MTARC1: variants seen among roughly 807,000 people sequenced by gnomAD.
MTARC1 encodes the protein mitochondrial amidoxime-reducing component 1.
Under a neutral mutation model 33.6 loss-of-function variants are expected in MTARC1, and 24 were observed. The ratio of observed to expected loss-of-function variants is 0.72; its 90% CI spans 0.52 to 1.01. The LOEUF (loss-of-function observed/expected upper bound fraction) is 1.01, where lower values mean the gene tolerates loss of function less well. MTARC1 is among the 50% of genes least tolerant of loss of function. The pLI is 0.00. For synonymous variants in MTARC1, 187 were observed against 189.5 expected, an observed-to-expected ratio of 0.99 and a Z score of 0.11; for missense variants, 417 against 445.7, an observed-to-expected ratio of 0.94 and a Z score of 0.58.
chr1:220,790,596 A>T (rs1672392386), intron 1 of MTARC1, among the ~76,000 whole-genome samples: 1 of 152,224 alleles, frequency 6.6e-6, no homozygotes, highest in Non-Finnish European at 1.5e-5. Flanking sequence ...GAACAACTCA[A>T]CCATGATAAC....
chr1:220,809,467 C>T (rs377425034), intron 6 of MTARC1, among the ~76,000 whole-genome samples: 280 of 142,696 alleles, frequency 2.0e-3, no homozygotes, highest in African/African-American at 6.7e-3. Context: ...CTCCCAGGAA[C>T]GTTCACGATG....
intron 6 of MTARC1, chr1:220,809,023 A>G: frequency 2.3e-6 from 1 of 434,016 alleles, no homozygotes; most frequent in East Asian, 7.0e-5. Context: ...TGTGACAGTA[A>G]TGACATTTGC....
At chr1:220,806,970 G>C (rs1217899359) in intron 6 of MTARC1, among the ~76,000 whole-genome samples, 1 of 152,144 alleles carries the variant, frequency 6.6e-6, no homozygotes, top group Non-Finnish European at 1.5e-5. Context: ...AACAGCGTTG[G>C]GTGTGATTTG....
intron 3 of MTARC1, among the ~76,000 whole-genome samples, 199 bp downstream of exon 3, chr1:220,797,004 TGCCCTTGA>T (rs1347207183): frequency 6.6e-6 from 1 of 152,248 alleles, no homozygotes; most frequent in African/African-American, 2.4e-5. Context: ...CTTGAATTTT[TGCCCTTGA>T]GCATCTACCT....
chr1:220,804,502 T>A (rs1415827138), intron 4 of MTARC1, among the ~76,000 whole-genome samples: 2 of 152,190 alleles, frequency 1.3e-5, no homozygotes, highest in East Asian at 3.8e-4. Flanking sequence ...ACAGCTCCCC[T>A]GGCTGCAGTG....
chr1:220,800,443 C>G (rs1672757279), intron 4 of MTARC1, among the ~76,000 whole-genome samples: 1 of 152,086 alleles, frequency 6.6e-6, no homozygotes, highest in African/African-American at 2.4e-5. Flanking sequence ...TGAGATATGG[C>G]CAGGAGGGTG....
At chr1:220,813,267 T>G in intron 6 of MTARC1, 25 bp from the exon 7 acceptor site, 15 of 1,613,878 alleles carry the variant, frequency 9.3e-6, no homozygotes, top group Non-Finnish European at 1.3e-5. Context: ...TGGCTGTGAC[T>G]CATCATGATC....
In MTARC1 at chr1:220,819,423, C is replaced by T. The variant is rs1673342938; in HGVS notation, c.*6005C>T. 6.6e-6 allele frequency: 1 copy of T among 152,108 alleles called. No homozygotes were observed. Among genetic ancestry groups the T allele is most frequent in the African/African-American group, 2.4e-5 (1 of 41,414 alleles). 9.4% of individuals were successfully genotyped at this position (152,108 alleles called of 1,614,324 possible). On this transcript the variant is annotated 3_prime_UTR_variant, in exon 7 of 7. Transcript: ENST00000366910. Reference sequence around the variant, plus strand: ...GAATATATCTGGAGCTTTTGTGGGGCTAAGAGATCTTGTATATATGCTATC... The same window carrying T: ...GAATATATCTGGAGCTTTTGTGGGGTTAAGAGATCTTGTATATATGCTATC...
intron 6 of MTARC1, 82 bp downstream of exon 6, chr1:220,805,356 G>C (rs1672940462): frequency 6.8e-7 from 1 of 1,479,566 alleles, no homozygotes; most frequent in Non-Finnish European, 9.4e-7. Flanking sequence ...GTTTATAAGA[G>C]GAAGCAGTGA....
chr1:220,794,160 C>T (rs1465921895), intron 2 of MTARC1: 4 of 152,168 alleles, frequency 2.6e-5, no homozygotes, highest in Non-Finnish European at 4.4e-5. Flanking sequence ...TGTGCCCTCC[C>T]ACCCTCCTAT....
At chr1:220,804,972 AG>A in intron 4 of MTARC1, 79 bp from the exon 5 acceptor site, 1 of 1,483,172 alleles carries the variant, frequency 6.7e-7, no homozygotes, top group South Asian at 1.1e-5. Context: ...GTTAGGTGCG[AG>A]GGCTCCTGGG....
At chr1:220,805,974 A>G (rs1270395486) in intron 6 of MTARC1, among the ~76,000 whole-genome samples, 1 of 152,212 alleles carries the variant, frequency 6.6e-6, no homozygotes, top group Admixed American at 6.5e-5. Context: ...ATTTGATTTT[A>G]CTTTTTAAAA....
At chr1:220,803,517 C>T (rs542170449) in intron 4 of MTARC1, among the ~76,000 whole-genome samples, 2 of 152,296 alleles carry the variant, frequency 1.3e-5, no homozygotes, top group Admixed American at 1.3e-4. Context: ...TAAAAGCCCC[C>T]TCCCCTGGGA....
intron 1 of MTARC1, chr1:220,791,212 T>C (rs1672409549): frequency 3.9e-6 from 1 of 253,400 alleles, no homozygotes; most frequent in Non-Finnish European, 7.6e-6. Flanking sequence ...GAGATGAAAA[T>C]ATAATTAACA....
chr1:220,799,226 A>G, intron 4 of MTARC1: 15 of 960,576 alleles, frequency 1.6e-5, no homozygotes, highest in Non-Finnish European at 1.9e-5. Context: ...ATTGCTCCAA[A>G]CTTCCAAGGG....
At chr1:220,812,684 G>A (rs536953556) in intron 6 of MTARC1, among the ~76,000 whole-genome samples, 1 of 152,168 alleles carries the variant, frequency 6.6e-6, no homozygotes, top group South Asian at 2.1e-4. Flanking sequence ...GATGCCTAGG[G>A]CAAAGGAAGA....
intron 4 of MTARC1, 93 bp from the exon 5 acceptor site, chr1:220,804,959 A>G (rs1164282415): frequency 4.4e-6 from 6 of 1,348,920 alleles, no homozygotes; most frequent in African/African-American, 4.3e-5. Flanking sequence ...TGTGGGTGAC[A>G]TCGTTAGGTG....
chr1:220,797,137 C>T (rs547307664), intron 3 of MTARC1, among the ~76,000 whole-genome samples: 2 of 152,180 alleles, frequency 1.3e-5, no homozygotes, highest in South Asian at 4.2e-4. Context: ...TTACAGTTTG[C>T]AGTTGTATGT....
chr1:220,818,998 C>G lies in MTARC1; in HGVS notation c.*5580C>G, dbSNP rs1450902732. 2 of 152,106 alleles carry G rather than the reference C, an allele frequency of 1.3e-5. No homozygotes were observed. Among genetic ancestry groups the G allele is most frequent in the African/African-American group, 2.4e-5 (1 of 41,416 alleles). 9.4% of individuals were successfully genotyped at this position (152,106 alleles called of 1,614,324 possible). On this transcript the variant is annotated 3_prime_UTR_variant, in exon 7 of 7. Transcript: ENST00000366910. ...CTCACATAGCTACCGCGGATCTGAG[C>G]CCGTATGACTCATTTGCGAGCCATT...
Sources: gnomAD v4.1 joint callset for allele counts (sites outside exome capture counted in the v4.1 genomes callset) on GRCh38, gnomAD v4.1.1 for gene constraint, MANE v1.5 for transcripts, NCBI Gene and HGNC (gene_info 2026-07-23, HGNC 2026-07-21) for gene names.